HLCS: variants seen among roughly 807,000 people sequenced by gnomAD.
HLCS encodes holocarboxylase synthetase.
In HLCS, 53 loss-of-function variants were observed where a neutral mutation model predicts 75.0. That is an observed-to-expected ratio of 0.71 (90% confidence interval 0.57 to 0.89). The LOEUF (loss-of-function observed/expected upper bound fraction) is 0.89, where lower values mean the gene tolerates loss of function less well. Among genes scored for constraint, HLCS ranks in the 40% least tolerant of loss-of-function variants. The probability of loss-of-function intolerance (pLI) is 0.00; values close to 1 mark genes in which losing one functional copy is unlikely to be tolerated. For missense variants in HLCS, 966 were observed against 1,074.0 expected (o/e 0.90, Z 1.41); for synonymous variants, 431 against 428.6 (o/e 1.01, Z -0.07).
intron 6 of HLCS, among the ~76,000 whole-genome samples, chr21:36,871,899 T>C (rs1012988136): frequency 6.6e-5 from 10 of 152,150 alleles, no homozygotes; most frequent in Admixed American, 1.3e-4. Context: ...CTCAACAATA[T>C]CTGTTTTCAG....
rs191675723 is a variant in HLCS, at chr21:36,771,825, C to G, written c.1893-4540G>C. Among the ~76,000 whole-genome samples the G allele has an allele frequency of 3.1e-3, 475 of 152,170 alleles. 2 individuals carry two copies. The highest frequency in any genetic ancestry group is 3.4e-3 in the Middle Eastern group (1 of 294). On this transcript the variant is annotated intron_variant, in intron 6 of 10. Transcript: ENST00000674895. The stretch of plus-strand genomic sequence containing the variant: ...ACCAGCTGGCCAACATGGTGAAACC[C>G]CATCTCTATTAAAAATACAAAAAAT...
chr21:36,765,296 C>T lies in HLCS; in HGVS notation c.1961-124G>A, dbSNP rs2835454. ...TATTACAATGCTTATTGTATTACAA[C>T]GCTTATTATATTCTGGGCTTAATAA... is the stretch of plus-strand genomic sequence containing the variant. On this transcript the variant is annotated intron_variant, in intron 7 of 10. Transcript: ENST00000674895. 64,063 of 922,232 alleles carry T rather than the reference C, an allele frequency of 0.069. 4,560 individuals carry two copies. The highest frequency in any genetic ancestry group is 0.31 in the African/African-American group (19,033 of 61,468). 57.1% of individuals were successfully genotyped at this position (922,232 alleles called of 1,614,324 possible). A position where few individuals can be genotyped will look rare whatever the true frequency, so the allele number is the denominator to read the frequency against.
chr21:36,887,660 G>A (rs1469842734), intron 6 of HLCS, among the ~76,000 whole-genome samples: 1 of 152,144 alleles, frequency 6.6e-6, no homozygotes, highest in Non-Finnish European at 1.5e-5. Context: ...TTAAATTTTA[G>A]AAGTAAACAT....
In HLCS at chr21:36,752,796, A is replaced by T. The variant is rs1347667216; in HGVS notation, c.*1450T>A. On this transcript the variant is annotated 3_prime_UTR_variant, in exon 11 of 11. Transcript: ENST00000674895. Reference sequence around the variant, plus strand: ...CCTGTGCCTGGCTAAAGGTAGACAGACTATACTAAAAACCACAAGTTTCTG... The same window carrying T: ...CCTGTGCCTGGCTAAAGGTAGACAGTCTATACTAAAAACCACAAGTTTCTG... The T allele has an allele frequency of 6.6e-6, 1 of 152,238 alleles. No individual in the cohort carries two copies. Among genetic ancestry groups the T allele is most frequent in the Non-Finnish European group, 1.5e-5 (1 of 68,042 alleles). 9.4% of individuals were successfully genotyped at this position (152,238 alleles called of 1,614,324 possible).
intron 6 of HLCS, among the ~76,000 whole-genome samples, chr21:36,823,545 T>G (rs904923034): frequency 6.6e-6 from 1 of 151,818 alleles, no homozygotes; most frequent in Non-Finnish European, 1.5e-5. Flanking sequence ...CACAAATACG[T>G]GTATGTGTGA....
At chr21:36,955,124 G>T (rs564555088) in intron 2 of HLCS, among the ~76,000 whole-genome samples, 1 of 152,186 alleles carries the variant, frequency 6.6e-6, no homozygotes, top group Non-Finnish European at 1.5e-5. Context: ...GAGCTACTGT[G>T]GGGGAAGGCA....
Position 36,755,717 on chromosome 21 carries a change from C to T in HLCS, c.2450+825G>A, listed in dbSNP as rs77705833. ...TCTAATTGTTTGTGCGCAGACCTGA[C>T]ATTTTTGCAGGGCACAGGCCTGTTG... On this transcript the variant is annotated intron_variant, in intron 10 of 10. Transcript: ENST00000674895. Among the ~76,000 whole-genome samples the T allele has an allele frequency of 5.6e-3, 859 of 152,350 alleles. 9 individuals carry two copies. Among genetic ancestry groups the T allele is most frequent in the African/African-American group, 0.02 (814 of 41,576 alleles).
At chr21:36,952,924 C>A (rs1435221984) in intron 2 of HLCS, among the ~76,000 whole-genome samples, 2 of 152,074 alleles carry the variant, frequency 1.3e-5, no homozygotes, top group African/African-American at 4.8e-5. Flanking sequence ...CAAAATCTAG[C>A]CTTTCTTTCT....
chr21:36,796,103 G>A (rs1284613702), intron 6 of HLCS, among the ~76,000 whole-genome samples: 6 of 152,084 alleles, frequency 3.9e-5, no homozygotes, highest in Non-Finnish European at 7.3e-5. Context: ...TGCCTGACTC[G>A]CTTCATGATT....
intron 6 of HLCS, among the ~76,000 whole-genome samples, chr21:36,805,319 G>A (rs1270468755): frequency 2.6e-5 from 4 of 152,202 alleles, no homozygotes; most frequent in Non-Finnish European, 5.9e-5. Flanking sequence ...TCCCCTGGAA[G>A]TGGGTCAGGT....
intron 1 of HLCS, chr21:36,990,087 A>C (rs536933404): frequency 6.6e-6 from 1 of 151,568 alleles, no homozygotes; most frequent in East Asian, 2.0e-4. Flanking sequence ...GGACTGCCTG[A>C]CCCTCGCCCG....
chr21:36,926,871 T>C (rs1385859197), intron 5 of HLCS, among the ~76,000 whole-genome samples: 1 of 151,482 alleles, frequency 6.6e-6, no homozygotes, highest in Non-Finnish European at 1.5e-5. Context: ...GCCTCCCGAG[T>C]AGCTAGGACT....
intron 2 of HLCS, among the ~76,000 whole-genome samples, chr21:36,950,046 C>T (rs538874039): frequency 2.0e-4 from 31 of 152,282 alleles, no homozygotes; most frequent in African/African-American, 7.2e-4. Context: ...AGCGTTCCTA[C>T]TCCCAACACT....
chr21:36,885,533 T>C (rs1189362642), intron 6 of HLCS, among the ~76,000 whole-genome samples: 1 of 150,514 alleles, frequency 6.6e-6, no homozygotes, highest in Non-Finnish European at 1.5e-5. Flanking sequence ...AAGATACACA[T>C]ATCACAGTCC....
At chr21:36,925,952 T>G (rs1198471236) in intron 5 of HLCS, among the ~76,000 whole-genome samples, 1 of 152,236 alleles carries the variant, frequency 6.6e-6, no homozygotes, top group Non-Finnish European at 1.5e-5. Flanking sequence ...GAAAGGATTA[T>G]GTTTCTTCTA....
In HLCS at chr21:36,897,093, A is replaced by G; in HGVS notation, c.1659T>C (p.His553=). 6.2e-7 allele frequency: 1 copy of G among 1,614,096 alleles called. No homozygotes were observed. Among genetic ancestry groups the G allele is most frequent in the Non-Finnish European group, 8.5e-7 (1 of 1,179,986 alleles). Reference sequence around the variant, plus strand: ...ATTTTATTTCTCCCTCGGAGTCCACATGTTTCCCAAGCCACTGCATAAGAG... The same window carrying G: ...ATTTTATTTCTCCCTCGGAGTCCACGTGTTTCCCAAGCCACTGCATAAGAG... ...RDPLMQWLGK[H]VDSEGEIKSG... Residue 553 remains histidine, a synonymous_variant, in exon 6 of 11, where the codon CAT becomes CAC. Transcript: ENST00000674895.
At chr21:36,890,009 C>T (rs531510227) in intron 6 of HLCS, among the ~76,000 whole-genome samples, 2 of 152,224 alleles carry the variant, frequency 1.3e-5, no homozygotes, top group African/African-American at 4.8e-5. Flanking sequence ...TTCTCCCATG[C>T]TGTCCTTGTG....
At chr21:36,776,576 G>A (rs748711090) in intron 6 of HLCS, among the ~76,000 whole-genome samples, 4 of 152,038 alleles carry the variant, frequency 2.6e-5, no homozygotes, top group African/African-American at 9.7e-5. Context: ...CACCATGCCC[G>A]GCTAATTTTT....
intron 6 of HLCS, among the ~76,000 whole-genome samples, chr21:36,788,632 A>G (rs951074352): frequency 6.6e-6 from 1 of 152,218 alleles, no homozygotes; most frequent in African/African-American, 2.4e-5. Context: ...AGCTCTGGGT[A>G]GGGTCTGGGA....
Sources: allele counts gnomAD v4.1 joint callset (sites outside exome capture counted in the v4.1 genomes callset), GRCh38; gene constraint gnomAD v4.1.1; transcripts MANE v1.5; gene names NCBI Gene and HGNC (gene_info 2026-07-23, HGNC 2026-07-21).